The following GNB4 variants were observed in gnomAD, a reference collection of about 807,000 sequenced individuals.
GNB4 encodes guanine nucleotide-binding protein subunit beta-4.
In GNB4, 28 loss-of-function variants were observed where a neutral mutation model predicts 45.2. The observed-to-expected ratio is 0.62, with a 90% CI of 0.46 to 0.85. GNB4 has a LOEUF of 0.85. GNB4 is among the 40% of genes least tolerant of loss of function. The pLI is 0.00. For synonymous variants in GNB4, 132 were observed against 143.7 expected, an observed-to-expected ratio of 0.92 and a Z score of 0.58; for missense variants, 321 against 425.4, an observed-to-expected ratio of 0.75 and a Z score of 2.16.
At chr3:179,520,807 T>C in the GNB4 span, among the ~76,000 whole-genome samples, 1 of 152,160 alleles carries the variant, frequency 6.6e-6, no homozygotes, top group South Asian at 2.1e-4. Context: ...AATTTCCTTC[T>C]TTCCTGTTCC....
chr3:179,444,218 T>C (rs1715662906), intron 1 of GNB4, among the ~76,000 whole-genome samples: 1 of 152,176 alleles, frequency 6.6e-6, no homozygotes, highest in African/African-American at 2.4e-5. Context: ...GAGTCTGTGG[T>C]TTTTTCATTT....
At chr3:179,403,170 G>A (rs993925559) in intron 9 of GNB4, among the ~76,000 whole-genome samples, 1 of 152,156 alleles carries the variant, frequency 6.6e-6, no homozygotes, top group African/African-American at 2.4e-5. Flanking sequence ...AGAGTAAATG[G>A]AGGCCGAGTC....
the GNB4 span, among the ~76,000 whole-genome samples, chr3:179,509,540 G>A: frequency 7.9e-5 from 12 of 151,936 alleles, no homozygotes; most frequent in African/African-American, 2.2e-4. Context: ...CAGTCTCCAC[G>A]TAGACAACTC....
Position 179,413,537 on chromosome 3 carries a change from A to G in GNB4, c.574T>C (p.Leu192=). ...GHSGDVMSLS[L]SPDMRTFVSG... ...ACAAAAGTCCTCATGTCAGGACTCA[A>G]AGAAAGACTCATCACATCTCCAGAA... The change falls in exon 8 of 10, where the codon TTG becomes CTG. Residue 192 remains leucine (L), a synonymous_variant. Coordinates refer to ENST00000232564, the MANE Select transcript of GNB4 (RefSeq NM_021629.4). The G allele has an allele frequency of 6.2e-7, 1 of 1,614,102 alleles. No individual in the cohort carries two copies. The highest frequency in any genetic ancestry group is 8.5e-7 in the Non-Finnish European group (1 of 1,179,960).
At chr3:179,426,658 C>A (rs1476066466) in intron 1 of GNB4, among the ~76,000 whole-genome samples, 1 of 151,984 alleles carries the variant, frequency 6.6e-6, no homozygotes, top group Non-Finnish European at 1.5e-5. Context: ...CAAGACCATC[C>A]TTACTTACAA....
chr3:179,487,625 A>G, the GNB4 span, among the ~76,000 whole-genome samples: 7 of 152,246 alleles, frequency 4.6e-5, no homozygotes, highest in Non-Finnish European at 1.0e-4. Flanking sequence ...TGCCAAGCAA[A>G]GGTTAAACAT....
intron 1 of GNB4, among the ~76,000 whole-genome samples, chr3:179,428,089 T>C (rs1273513417): frequency 6.6e-6 from 1 of 152,218 alleles, no homozygotes; most frequent in East Asian, 1.9e-4. Flanking sequence ...TATCTGTTTA[T>C]TATGTTCAGA....
chr3:179,414,949 A>G lies in GNB4; in HGVS notation c.366T>C (p.Ser122=). ...CCTCTCTGGTCTTTAAGTTATATAT[A>G]GAGCAGATGTTGTCCAAGCCTCCAC... ...VACGGLDNIC[S]IYNLKTREGN... is the part of the protein sequence containing the mutation. The change falls in exon 6 of 10, where the codon TCT becomes TCC. Residue 122 remains serine, a synonymous_variant. Transcript: ENST00000232564. 1 of 1,612,074 alleles carries G rather than the reference A, an allele frequency of 6.2e-7. No individual in the cohort carries two copies.
chr3:179,500,130 T>C, the GNB4 span, among the ~76,000 whole-genome samples: 28 of 152,262 alleles, frequency 1.8e-4, 1 homozygote, highest in Non-Finnish European at 2.9e-5. Flanking sequence ...CCATTGCTTT[T>C]GGTGTTTTAG....
At chr3:179,496,034 A>G in the GNB4 span, among the ~76,000 whole-genome samples, 1 of 152,228 alleles carries the variant, frequency 6.6e-6, no homozygotes, top group Non-Finnish European at 1.5e-5. Context: ...AAGATAATAT[A>G]TAGTCACATT....
At chr3:179,445,819 C>G (rs1476842879) in intron 1 of GNB4, among the ~76,000 whole-genome samples, 2 of 152,144 alleles carry the variant, frequency 1.3e-5, no homozygotes, top group East Asian at 3.8e-4. Context: ...AGACAAGCAT[C>G]TCAGTGGGAG....
chr3:179,499,606 C>G, the GNB4 span, among the ~76,000 whole-genome samples: 4 of 152,188 alleles, frequency 2.6e-5, no homozygotes, highest in Non-Finnish European at 4.4e-5. Context: ...GGTATATACC[C>G]AGTAATGGGA....
chr3:179,494,633 G>A, the GNB4 span, among the ~76,000 whole-genome samples: 1 of 152,076 alleles, frequency 6.6e-6, no homozygotes, highest in Non-Finnish European at 1.5e-5. Flanking sequence ...GAAGGGGCCA[G>A]GCGCAGTGGC....
At position 179,399,883 on chromosome 3, in the gene GNB4, G is replaced by C. The variant is rs933465432; in HGVS notation, c.*1330C>G. 6.6e-6 allele frequency: 1 copy of C among 152,162 alleles called. No individual in the cohort carries two copies. The highest frequency in any genetic ancestry group is 2.4e-5 in the African/African-American group (1 of 41,426). The allele number at this position is 152,162 out of a possible 1,614,324, so 9.4% of individuals were successfully genotyped here. A position where few individuals can be genotyped will look rare whatever the true frequency, so the allele number is the denominator to read the frequency against. ...GTCATTTAGACTTATTTGTAAAAGAGAATCCAACAGGAAAAGTATCTTTAA... is the reference window on the plus strand; with the variant it reads ...GTCATTTAGACTTATTTGTAAAAGACAATCCAACAGGAAAAGTATCTTTAA... On this transcript the variant is annotated 3_prime_UTR_variant, in exon 10 of 10. Coordinates refer to ENST00000232564, the MANE Select transcript of GNB4 (RefSeq NM_021629.4).
intron 1 of GNB4, among the ~76,000 whole-genome samples, chr3:179,437,496 C>T (rs1267992435): frequency 6.6e-6 from 1 of 151,644 alleles, no homozygotes; most frequent in Non-Finnish European, 1.5e-5. Context: ...ACATGGGAGG[C>T]GTAGGTTGCA....
intron 1 of GNB4, among the ~76,000 whole-genome samples, chr3:179,449,465 GA>G (rs1370175180): frequency 2.6e-5 from 4 of 152,186 alleles, no homozygotes; most frequent in Admixed American, 2.6e-4. Flanking sequence ...ATGAGTAATT[GA>G]GGGTCACTCC....
chr3:179,436,178 C>T lies in GNB4; in HGVS notation c.-42-9936G>A, dbSNP rs574032412. On this transcript the variant is annotated intron_variant, in intron 1 of 9. Coordinates refer to ENST00000232564, the MANE Select transcript of GNB4 (RefSeq NM_021629.4). ...CTTTGGGAGGCCAAGGCAGGTAGAT[C>T]GCCTGAGGCAGGGAGTTCGAGACCA... Among the ~76,000 whole-genome samples, 72 of 152,258 alleles carry T rather than the reference C, an allele frequency of 4.7e-4. 1 individual carries two copies. Among genetic ancestry groups the T allele is most frequent in the African/African-American group, 1.6e-3 (65 of 41,536 alleles).
At chr3:179,415,198 C>G (rs767064122) in intron 5 of GNB4, 151 bp from the exon 6 acceptor site, 14 of 543,338 alleles carry the variant, frequency 2.6e-5, no homozygotes, top group African/African-American at 1.7e-4. Flanking sequence ...GAAAGTGAAC[C>G]ATGAAAAATA....
Position 179,399,066 on chromosome 3 carries a change from A to C in GNB4, c.*2147T>G, listed in dbSNP as rs952196544. On this transcript the variant is annotated 3_prime_UTR_variant, in exon 10 of 10. Coordinates refer to ENST00000232564, the MANE Select transcript of GNB4 (RefSeq NM_021629.4). ...TAATAGAATTGCTTTCTTCTGACTA[A>C]CCTACATGGCAAACTTTCCCCAACC... 3 of 152,200 alleles carry C rather than the reference A, an allele frequency of 2.0e-5. No individual in the cohort carries two copies. The highest frequency in any genetic ancestry group is 7.2e-5 in the African/African-American group (3 of 41,440). The allele number at this position is 152,200 out of a possible 1,614,324, so 9.4% of individuals were successfully genotyped here.
Sources: gnomAD v4.1 joint callset for allele counts (sites outside exome capture counted in the v4.1 genomes callset) on GRCh38, gnomAD v4.1.1 for gene constraint, MANE v1.5 for transcripts, NCBI Gene and HGNC (gene_info 2026-07-23, HGNC 2026-07-21) for gene names.